Variants in ITPR2 observed in about 807,000 individuals in gnomAD.
ITPR2 encodes the protein inositol 1,4,5-trisphosphate receptor type 2.
ITPR2 carries 207 observed loss-of-function variants against 317.1 expected under a neutral mutation model. The ratio of observed to expected loss-of-function variants is 0.65; its 90% CI spans 0.58 to 0.73. The LOEUF is 0.73. Ranked by LOEUF, ITPR2 falls within the 30% of genes least tolerant of loss-of-function variation. The pLI is 0.00. For synonymous variants in ITPR2, 1,156 were observed against 1,149.1 expected (o/e 1.01, Z -0.12); for missense variants, 2,613 against 3,284.0 (o/e 0.80, Z 4.99).
At chr12:26,664,648 T>G (rs914354214) in intron 14 of ITPR2, among the ~76,000 whole-genome samples, 1 of 152,254 alleles carries the variant, frequency 6.6e-6, no homozygotes, top group Non-Finnish European at 1.5e-5. Context: ...AAATATGATA[T>G]GAACTAAAGT....
At chr12:26,638,704 G>A (rs1025468632) in intron 21 of ITPR2, among the ~76,000 whole-genome samples, 1 of 152,198 alleles carries the variant, frequency 6.6e-6, no homozygotes, top group African/African-American at 2.4e-5. Flanking sequence ...GGTGAAGTCA[G>A]AGATAGCATG....
chr12:26,689,632 C>T (rs375664490), intron 10 of ITPR2, among the ~76,000 whole-genome samples: 3 of 152,146 alleles, frequency 2.0e-5, no homozygotes, highest in African/African-American at 7.2e-5. Context: ...GCTCTGAAAT[C>T]TGATGGTGAC....
At chr12:26,383,171 C>T (rs1939559063) in intron 55 of ITPR2, among the ~76,000 whole-genome samples, 1 of 152,174 alleles carries the variant, frequency 6.6e-6, no homozygotes, top group African/African-American at 2.4e-5. Context: ...ATGTGACACA[C>T]CTACTCCCAC....
Position 26,340,283 on chromosome 12 carries a change from C to T in ITPR2, c.7903G>A (p.Val2635Ile), listed in dbSNP as rs368039850. 8.3e-5 allele frequency: 134 copies of T among 1,609,660 alleles called. 1 individual carries two copies. Among genetic ancestry groups the T allele is most frequent in the Non-Finnish European group, 1.0e-4 (123 of 1,178,152 alleles). The change falls in exon 56 of 57, where the codon GTT becomes ATT. Residue 2635 changes from valine (V) to isoleucine (I), a missense_variant. Physicochemically the swap from Val to Ile is conservative, Grantham distance 29 (BLOSUM62 3). Around this residue, in one of 9 missense-constraint regions of ITPR2, gnomAD observed 119 missense variants for 144.3 expected, o/e 0.82. Coordinates refer to ENST00000381340, the MANE Select transcript of ITPR2 (RefSeq NM_002223.4). ...WFPRMRAMSL[V>I]SNEGDSEQNE... is the part of the protein sequence containing the mutation. Reference sequence around the variant, plus strand: ...TGCTCACTGTCGCCTTCATTGCTAACGAGGGACATGGCTCGCATCCGAGGA... The same window carrying T: ...TGCTCACTGTCGCCTTCATTGCTAATGAGGGACATGGCTCGCATCCGAGGA...
chr12:26,511,046 C>T (rs1053117325), intron 37 of ITPR2, among the ~76,000 whole-genome samples: 2 of 152,236 alleles, frequency 1.3e-5, no homozygotes, highest in African/African-American at 4.8e-5. Context: ...TCCCCTATTT[C>T]AAATTCACTA....
At chr12:26,819,765 TA>T (rs11448752) in intron 1 of ITPR2, among the ~76,000 whole-genome samples, 18 of 147,064 alleles carry the variant, frequency 1.2e-4, no homozygotes, top group African/African-American at 1.7e-4. Context: ...TGCAAATCAT[TA>T]AAAAAAAAAG....
At chr12:26,783,914 T>C (rs960753268) in intron 2 of ITPR2, among the ~76,000 whole-genome samples, 6 of 151,990 alleles carry the variant, frequency 3.9e-5, no homozygotes, top group Admixed American at 6.5e-5. Flanking sequence ...GGTCACAGAA[T>C]AGAGCAAACT....
intron 47 of ITPR2, among the ~76,000 whole-genome samples, chr12:26,438,124 C>T (rs7136153): frequency 0.24 from 36,373 of 152,058 alleles, 4,607 homozygotes; most frequent in African/African-American, 0.33. Context: ...TTTTTAAATG[C>T]TCCAAATAAA....
At chr12:26,634,409 T>C (rs981121591) in intron 21 of ITPR2, among the ~76,000 whole-genome samples, 3 of 152,214 alleles carry the variant, frequency 2.0e-5, no homozygotes, top group Non-Finnish European at 4.4e-5. Flanking sequence ...TAGTTAATAT[T>C]GACTGGAAAG....
chr12:26,704,148 A>C (rs1470741397), intron 9 of ITPR2, among the ~76,000 whole-genome samples: 5 of 152,210 alleles, frequency 3.3e-5, no homozygotes, highest in Non-Finnish European at 7.3e-5. Context: ...CAATAGCGTG[A>C]GTTAAACTCA....
chr12:26,383,776 G>A (rs563862723), intron 55 of ITPR2, among the ~76,000 whole-genome samples: 25 of 151,872 alleles, frequency 1.6e-4, no homozygotes, highest in African/African-American at 4.6e-4. Context: ...GATTACAGGC[G>A]TGAGCCACCA....
At chr12:26,688,777 C>T (rs1316710950) in intron 10 of ITPR2, among the ~76,000 whole-genome samples, 4 of 152,088 alleles carry the variant, frequency 2.6e-5, no homozygotes, top group Non-Finnish European at 4.4e-5. Context: ...GACCCTCCCC[C>T]AAGTCTTCTG....
chr12:26,490,931 G>A (rs1029931576), intron 39 of ITPR2, among the ~76,000 whole-genome samples: 4 of 152,204 alleles, frequency 2.6e-5, no homozygotes, highest in Non-Finnish European at 4.4e-5. Flanking sequence ...TGGAGCCTAG[G>A]CTTCTAGGAG....
At chr12:26,671,192 C>A (rs1947760968) in intron 13 of ITPR2, among the ~76,000 whole-genome samples, 1 of 152,174 alleles carries the variant, frequency 6.6e-6, no homozygotes, top group Non-Finnish European at 1.5e-5. Context: ...TCAGGAAATA[C>A]AGAGAACGCC....
chr12:26,436,942 G>C (rs1298015808), intron 47 of ITPR2, among the ~76,000 whole-genome samples: 1 of 152,182 alleles, frequency 6.6e-6, no homozygotes, highest in Non-Finnish European at 1.5e-5. Context: ...TGTTGGGTTT[G>C]AAACAGCAGA....
At chr12:26,543,411 A>G (rs76471196) in intron 37 of ITPR2, among the ~76,000 whole-genome samples, 13,148 of 151,936 alleles carry the variant, frequency 0.087, 708 homozygotes, top group African/African-American at 0.15. Context: ...GAGAGAGAGG[A>G]GAGAGAGGGA....
chr12:26,350,714 C>T (rs1938453153), intron 55 of ITPR2, among the ~76,000 whole-genome samples: 1 of 152,084 alleles, frequency 6.6e-6, no homozygotes, highest in Non-Finnish European at 1.5e-5. Flanking sequence ...CGAGAACCCA[C>T]CTGGCCCATT....
At chr12:26,368,317 A>G (rs1205597350) in intron 55 of ITPR2, among the ~76,000 whole-genome samples, 2 of 152,212 alleles carry the variant, frequency 1.3e-5, no homozygotes, top group Non-Finnish European at 2.9e-5. Context: ...CTTAGTTTCT[A>G]ATCTAGTCTT....
intron 2 of ITPR2, among the ~76,000 whole-genome samples, chr12:26,731,790 C>A (rs1288699470): frequency 6.6e-6 from 1 of 152,096 alleles, no homozygotes; most frequent in Non-Finnish European, 1.5e-5. Context: ...AAAGCAAGAC[C>A]TTGTCTCTTA....
Sources: gnomAD v4.1 joint callset for allele counts (sites outside exome capture counted in the v4.1 genomes callset) on GRCh38, gnomAD v4.1.1 for gene constraint, gnomAD v4.1.1 regional missense constraint, MANE v1.5 for transcripts, NCBI Gene and HGNC (gene_info 2026-07-23, HGNC 2026-07-21) for gene names.